Variants in MYOM1 observed in about 807,000 individuals in gnomAD.
The protein encoded by MYOM1 is myomesin-1.
Under a neutral mutation model 205.3 loss-of-function variants are expected in MYOM1, and 164 were observed. The ratio of observed to expected loss-of-function variants is 0.80; its 90% confidence interval spans 0.70 to 0.91. MYOM1 has a LOEUF of 0.91. MYOM1 is among the 40% of genes least tolerant of loss of function. The pLI, the probability that MYOM1 is intolerant of heterozygous loss-of-function variation, is 0.00. For missense variants in MYOM1, 2,011 were observed against 2,127.3 expected (o/e 0.95, Z 1.08); for synonymous variants, 772 against 789.4 (o/e 0.98, Z 0.37).
At chr18:3,098,181 G>A (rs578077031) in intron 25 of MYOM1, among the ~76,000 whole-genome samples, 2 of 152,282 alleles carry the variant, frequency 1.3e-5, no homozygotes, top group South Asian at 4.1e-4. Flanking sequence ...GGGATCACTG[G>A]TCTGTTTCAA....
At chr18:3,094,378 TGAA>T in intron 25 of MYOM1, 72 bp from the exon 26 acceptor site, 2 of 1,001,638 alleles carry the variant, frequency 2.0e-6, no homozygotes, top group East Asian at 3.3e-5. Flanking sequence ...TTCCATCAAG[TGAA>T]AAAAAAAAAA....
intron 2 of MYOM1, among the ~76,000 whole-genome samples, chr18:3,211,078 T>C (rs2081185428): frequency 6.6e-6 from 1 of 152,228 alleles, no homozygotes; most frequent in Non-Finnish European, 1.5e-5. Context: ...CTAAGAAACC[T>C]GCTGTGCTGT....
intron 13 of MYOM1, among the ~76,000 whole-genome samples, chr18:3,143,900 C>CAAAAAAAAA: frequency 2.0e-5 from 1 of 49,362 alleles, no homozygotes; most frequent in Non-Finnish European, 3.5e-5. Context: ...GACCCTGTCT[C>CAAAAAAAAA]AAAAAAAAAA....
intron 26 of MYOM1, among the ~76,000 whole-genome samples, chr18:3,091,815 TC>T: frequency 6.6e-6 from 1 of 152,234 alleles, no homozygotes; most frequent in East Asian, 1.9e-4. Context: ...AATTGCAACC[TC>T]GGCCTCCCAG....
chr18:3,212,468 G>A (rs117719174), intron 2 of MYOM1, among the ~76,000 whole-genome samples: 10 of 152,202 alleles, frequency 6.6e-5, no homozygotes, highest in African/African-American at 1.2e-4. Context: ...TAAATATAAA[G>A]ATTGCATATG....
chr18:3,142,978 G>T (rs958371976), intron 13 of MYOM1, among the ~76,000 whole-genome samples: 1 of 152,062 alleles, frequency 6.6e-6, no homozygotes, highest in Non-Finnish European at 1.5e-5. Context: ...AATATTTAAA[G>T]AAATAATGAT....
chr18:3,148,897 A>C (rs574860955), intron 13 of MYOM1, among the ~76,000 whole-genome samples: 44 of 150,654 alleles, frequency 2.9e-4, no homozygotes, highest in Non-Finnish European at 4.6e-4. Flanking sequence ...TTTCATGGGT[A>C]TATACATGTG....
In MYOM1 at chr18:3,214,937, T is replaced by C. The variant is rs1291026694; in HGVS notation, c.287A>G (p.His96Arg). The change falls in exon 2 of 38, where the codon CAT becomes CGT. Residue 96 changes from histidine (H) to arginine (R), a missense_variant. Transcript: ENST00000356443. ...AASAYDYGSSHGLTDSSLLLD... is the reference protein window; with the variant it reads ...AASAYDYGSSRGLTDSSLLLD... ...TGGAGGAGGGCGTCCGACATACCCA[T>C]GGGAGGAGCCATAATCGTAGGCTGA... 6.3e-7 allele frequency: 1 copy of C among 1,594,280 alleles called. No individual in the cohort carries two copies. Among genetic ancestry groups the C allele is most frequent in the South Asian group, 1.1e-5 (1 of 88,884 alleles).
At chr18:3,234,165 T>C in the MYOM1 span, among the ~76,000 whole-genome samples, 2 of 152,232 alleles carry the variant, frequency 1.3e-5, no homozygotes, top group African/African-American at 4.8e-5. Context: ...GCTTGGCTCA[T>C]AGGACGTGCT....
chr18:3,136,591 T>C (rs1315396164), intron 14 of MYOM1, among the ~76,000 whole-genome samples: 1 of 151,874 alleles, frequency 6.6e-6, no homozygotes, highest in Non-Finnish European at 1.5e-5. Flanking sequence ...CACACCTGGC[T>C]AATTTTTGTA....
intron 22 of MYOM1, among the ~76,000 whole-genome samples, chr18:3,111,980 A>G (rs776671149): frequency 1.3e-4 from 20 of 152,198 alleles, no homozygotes; most frequent in Non-Finnish European, 2.4e-4. Context: ...CTTAATGGCC[A>G]GGGTGTAATA....
intron 27 of MYOM1, 103 bp downstream of exon 27, chr18:3,090,555 A>G: frequency 6.8e-7 from 1 of 1,460,608 alleles, no homozygotes; most frequent in South Asian, 1.3e-5. Flanking sequence ...GTCAATTAAG[A>G]AAAAATTCCT....
rs540753769 is a variant in MYOM1, at chr18:3,155,427, T to C, written c.1502-339A>G. Reference sequence around the variant, plus strand: ...TTTTGGTAGAGATGGGGTTTCACCGTGTTAGCCAGGATGGTCTTGATCTCC... The same window carrying C: ...TTTTGGTAGAGATGGGGTTTCACCGCGTTAGCCAGGATGGTCTTGATCTCC... On this transcript the variant is annotated intron_variant, in intron 10 of 37. Transcript: ENST00000356443. 2.6e-3 allele frequency among the ~76,000 whole-genome samples: 395 copies of C among 152,298 alleles called. 1 individual carries two copies. The highest frequency in any genetic ancestry group is 4.3e-3 in the Non-Finnish European group (292 of 68,026).
the MYOM1 span, among the ~76,000 whole-genome samples, chr18:3,239,401 G>A: frequency 6.6e-6 from 1 of 152,256 alleles, no homozygotes; most frequent in African/African-American, 2.4e-5. Context: ...TGAGAGTGAG[G>A]ATAGAATAGA....
chr18:3,191,690 C>T (rs2080907647), intron 3 of MYOM1, among the ~76,000 whole-genome samples: 1 of 151,542 alleles, frequency 6.6e-6, no homozygotes, highest in African/African-American at 2.4e-5. Context: ...AATTTTTCTT[C>T]ACATCTTTTT....
At chr18:3,109,168 A>G (rs1237086308) in intron 22 of MYOM1, among the ~76,000 whole-genome samples, 2 of 151,570 alleles carry the variant, frequency 1.3e-5, no homozygotes, top group Non-Finnish European at 2.9e-5. Context: ...TTTTTAGTAG[A>G]GATGGGGTTT....
chr18:3,171,058 A>G (rs2080549958), intron 8 of MYOM1, among the ~76,000 whole-genome samples: 1 of 152,196 alleles, frequency 6.6e-6, no homozygotes. Context: ...AGTACCACTA[A>G]TATCTGCATT....
intron 37 of MYOM1, among the ~76,000 whole-genome samples, chr18:3,070,879 C>A (rs971526174): frequency 6.6e-6 from 1 of 152,062 alleles, no homozygotes; most frequent in Non-Finnish European, 1.5e-5. Context: ...CCCACTCAGA[C>A]TCCCGAGTAG....
chr18:3,099,828 A>C (rs1294781199), intron 25 of MYOM1, among the ~76,000 whole-genome samples: 1 of 152,244 alleles, frequency 6.6e-6, no homozygotes, highest in African/African-American at 2.4e-5. Flanking sequence ...AAGTGAATAT[A>C]TCCAGAAAAT....
Sources: allele counts gnomAD v4.1 joint callset (sites outside exome capture counted in the v4.1 genomes callset), GRCh38; gene constraint gnomAD v4.1.1; transcripts MANE v1.5; gene names NCBI Gene and HGNC (gene_info 2026-07-23, HGNC 2026-07-21).